The following LRFN2 variants were observed in gnomAD, a reference collection of about 807,000 sequenced individuals.
The protein encoded by LRFN2 is leucine-rich repeat and fibronectin type-III domain-containing protein 2.
LRFN2 carries 18 observed loss-of-function variants against 37.3 expected under a neutral mutation model. That is an observed-to-expected ratio of 0.48 (90% CI 0.33 to 0.72). The LOEUF is 0.72. Ranked by LOEUF, LRFN2 falls within the 30% of genes least tolerant of loss-of-function variation. The pLI, the probability that LRFN2 is intolerant of heterozygous loss-of-function variation, is 0.02. For synonymous variants in LRFN2, 556 were observed against 466.6 expected (o/e 1.19, Z -2.47); for missense variants, 1,006 against 1,060.7 (o/e 0.95, Z 0.72).
intron 1 of LRFN2, among the ~76,000 whole-genome samples, chr6:40,583,698 C>T (rs1767448084): frequency 6.6e-6 from 1 of 152,094 alleles, no homozygotes. Context: ...AAAACCAGGC[C>T]CCTCTCTCAA....
At chr6:40,465,597 G>A (rs1021664865) in intron 1 of LRFN2, among the ~76,000 whole-genome samples, 16 of 152,178 alleles carry the variant, frequency 1.1e-4, no homozygotes, top group African/African-American at 3.9e-4. Context: ...ATTAATTGGA[G>A]AAAACAGGGA....
rs1429836674 is a variant in LRFN2 at position 40,391,605 on chromosome 6, AAATT to A, written c.*334_*337del. Reference sequence around the variant, plus strand: ...GGAGTCTGGGAAATGGAAAAAAAATAAATTAAGAAATAAAAACAACACTAGACCC... The same window carrying A: ...GGAGTCTGGGAAATGGAAAAAAAATAAAGAAATAAAAACAACACTAGACCC... On this transcript the variant is annotated 3_prime_UTR_variant, in exon 3 of 3. Transcript: ENST00000338305. 4 of 216,088 alleles carry A rather than the reference AAATT, an allele frequency of 1.9e-5. No individual in the cohort carries two copies. In the East Asian group the frequency reaches 2.9e-4, roughly 16 times the overall value. 13.4% of individuals were successfully genotyped at this position (216,088 alleles called of 1,614,324 possible).
intron 1 of LRFN2, among the ~76,000 whole-genome samples, chr6:40,544,773 A>G (rs898724069): frequency 6.6e-6 from 1 of 152,208 alleles, no homozygotes; most frequent in Admixed American, 6.5e-5. Flanking sequence ...ATGGTGCAGA[A>G]AAAGTGATAC....
At chr6:40,434,448 G>A (rs1763592675) in intron 1 of LRFN2, among the ~76,000 whole-genome samples, 1 of 151,964 alleles carries the variant, frequency 6.6e-6, no homozygotes, top group Admixed American at 6.5e-5. Context: ...GTAGCATTAT[G>A]CAGACCAGCA....
chr6:40,435,809 T>C (rs114690310), intron 1 of LRFN2, among the ~76,000 whole-genome samples: 3,253 of 152,142 alleles, frequency 0.021, 74 homozygotes, highest in Admixed American at 0.056. Context: ...TAATAGCTTA[T>C]TTTTTTTAAA....
intron 2 of LRFN2, among the ~76,000 whole-genome samples, chr6:40,418,720 C>G (rs1036611585): frequency 1.3e-5 from 2 of 152,192 alleles, no homozygotes; most frequent in Admixed American, 1.3e-4. Flanking sequence ...CGCCACCTCC[C>G]TATGGCTCAG....
At chr6:40,494,246 T>A (rs913837242) in intron 1 of LRFN2, among the ~76,000 whole-genome samples, 1 of 152,158 alleles carries the variant, frequency 6.6e-6, no homozygotes, top group East Asian at 1.9e-4. Context: ...TCCTCAAATG[T>A]CAAATCAGGG....
intron 2 of LRFN2, among the ~76,000 whole-genome samples, chr6:40,400,972 C>T (rs758443203): frequency 2.6e-5 from 4 of 151,538 alleles, no homozygotes; most frequent in East Asian, 1.9e-4. Flanking sequence ...CATTGTTCTG[C>T]CCCTCTTTCA....
intron 2 of LRFN2, among the ~76,000 whole-genome samples, chr6:40,406,422 G>A (rs931864607): frequency 2.6e-5 from 4 of 152,164 alleles, no homozygotes; most frequent in Non-Finnish European, 5.9e-5. Flanking sequence ...GGGCCAGCCT[G>A]CCCGCTGATC....
chr6:40,498,744 T>A (rs954966679), intron 1 of LRFN2, among the ~76,000 whole-genome samples: 7 of 152,200 alleles, frequency 4.6e-5, no homozygotes, highest in Non-Finnish European at 1.0e-4. Context: ...TCATGATCCC[T>A]GCCCTCAGGA....
At chr6:40,559,544 C>T (rs572570607) in intron 1 of LRFN2, among the ~76,000 whole-genome samples, 2 of 152,158 alleles carry the variant, frequency 1.3e-5, no homozygotes, top group East Asian at 3.9e-4. Context: ...GGGGTAGGGG[C>T]AGCGGAGGGA....
At chr6:40,460,240 T>TCTGGTTTCA (rs2113849404) in intron 1 of LRFN2, among the ~76,000 whole-genome samples, 1 of 152,256 alleles carries the variant, frequency 6.6e-6, no homozygotes, top group African/African-American at 2.4e-5. Flanking sequence ...AAGTCAAACA[T>TCTGGTTTCA]CTGGTTAATG....
intron 1 of LRFN2, among the ~76,000 whole-genome samples, chr6:40,506,661 G>A (rs569992741): frequency 8.5e-5 from 13 of 152,172 alleles, no homozygotes; most frequent in Middle Eastern, 3.4e-3. Flanking sequence ...GTTTGCCCCC[G>A]TTGTTAAGCC....
intron 1 of LRFN2, among the ~76,000 whole-genome samples, chr6:40,583,202 A>ATATATACACATATATACATATATAG (rs61063165): frequency 6.9e-6 from 1 of 144,722 alleles, no homozygotes; most frequent in Non-Finnish European, 1.5e-5. Flanking sequence ...ATATATAGAC[A>ATATATACACATATATACATATATAG]TATATATACA....
chr6:40,551,678 T>C (rs930978535), intron 1 of LRFN2, among the ~76,000 whole-genome samples: 1 of 152,198 alleles, frequency 6.6e-6, no homozygotes, highest in African/African-American at 2.4e-5. Context: ...GAGTAGAAAG[T>C]GGCTGTTGAG....
At chr6:40,526,925 AG>A (rs1210939547) in intron 1 of LRFN2, among the ~76,000 whole-genome samples, 1 of 152,210 alleles carries the variant, frequency 6.6e-6, no homozygotes, top group Non-Finnish European at 1.5e-5. Context: ...TCCTTTGGGC[AG>A]GACTGATCAT....
chr6:40,570,928 ATT>A (rs1159433390), intron 1 of LRFN2, among the ~76,000 whole-genome samples: 4 of 152,218 alleles, frequency 2.6e-5, no homozygotes, highest in Non-Finnish European at 5.9e-5. Flanking sequence ...AAGGGTTAGG[ATT>A]TTACTCTAAA....
At chr6:40,569,890 G>T (rs1767157551) in intron 1 of LRFN2, among the ~76,000 whole-genome samples, 1 of 151,796 alleles carries the variant, frequency 6.6e-6, no homozygotes, top group African/African-American at 2.4e-5. Flanking sequence ...CTCAGGTCCG[G>T]CCCTGACTTC....
chr6:40,424,121 G>A (rs1260547112), intron 2 of LRFN2, among the ~76,000 whole-genome samples: 2 of 152,292 alleles, frequency 1.3e-5, no homozygotes, highest in East Asian at 1.9e-4. Context: ...CTTACCTGGT[G>A]ACATGTAAAC....
Sources: gnomAD v4.1 joint callset for allele counts (sites outside exome capture counted in the v4.1 genomes callset) on GRCh38, gnomAD v4.1.1 for gene constraint, MANE v1.5 for transcripts, NCBI Gene and HGNC (gene_info 2026-07-23, HGNC 2026-07-21) for gene names.